The following NETO1 variants were observed in gnomAD, a reference collection of about 807,000 sequenced individuals.
NETO1 encodes the protein neuropilin and tolloid-like protein 1.
Under a neutral mutation model 61.3 loss-of-function variants are expected in NETO1, and 26 were observed. That is an observed-to-expected ratio of 0.42 (90% CI 0.31 to 0.59). The LOEUF is 0.59. Ranked by LOEUF, NETO1 falls within the 20% of genes least tolerant of loss-of-function variation. The pLI is 0.12. For synonymous variants in NETO1, 225 were observed against 225.8 expected (o/e 1.00, Z 0.03); for missense variants, 531 against 662.8 (o/e 0.80, Z 2.18).
At chr18:72,836,619 C>A in intron 4 of NETO1, among the ~76,000 whole-genome samples, 1 of 152,042 alleles carries the variant, frequency 6.6e-6, no homozygotes, top group Non-Finnish European at 1.5e-5. Flanking sequence ...TAAACATAAA[C>A]CAAAGCACAG....
intron 7 of NETO1, 102 bp downstream of exon 7, chr18:72,783,576 C>A: frequency 2.2e-6 from 2 of 910,116 alleles, no homozygotes; most frequent in South Asian, 1.5e-5. Flanking sequence ...TAGAGAATAG[C>A]CTGCTGTGCT....
intron 4 of NETO1, chr18:72,834,143 A>G: frequency 6.1e-6 from 5 of 813,556 alleles, no homozygotes; most frequent in Non-Finnish European, 7.4e-6. Context: ...AGCTTCGGAC[A>G]ATATTTTTGT....
chr18:72,838,886 G>A (rs945256314), intron 4 of NETO1, among the ~76,000 whole-genome samples: 2 of 152,006 alleles, frequency 1.3e-5, no homozygotes, highest in Admixed American at 6.6e-5. Context: ...TCTCTCAACC[G>A]TAAAGTTTTC....
intron 4 of NETO1, among the ~76,000 whole-genome samples, chr18:72,837,523 C>A (rs1467786346): frequency 1.3e-5 from 2 of 152,078 alleles, no homozygotes; most frequent in African/African-American, 2.4e-5. Context: ...TAGAGTCAGA[C>A]AACACAAGAT....
intron 7 of NETO1, among the ~76,000 whole-genome samples, chr18:72,773,099 C>A (rs1346027172): frequency 2.2e-4 from 33 of 151,804 alleles, no homozygotes; most frequent in Non-Finnish European, 1.5e-5. Context: ...GCTAGGCTTT[C>A]TGCTATTACA....
At chr18:72,764,819 C>T (rs1322429465) in intron 7 of NETO1, among the ~76,000 whole-genome samples, 1 of 152,178 alleles carries the variant, frequency 6.6e-6, no homozygotes, top group South Asian at 2.1e-4. Context: ...CAACCATCCC[C>T]TCAGGTGTTC....
chr18:72,803,728 G>A (rs1216925671), intron 4 of NETO1, among the ~76,000 whole-genome samples: 3 of 151,940 alleles, frequency 2.0e-5, no homozygotes, highest in Admixed American at 6.6e-5. Flanking sequence ...GGCTGTGGCA[G>A]GATAATTGCT....
chr18:72,805,165 A>T (rs1047329073), intron 4 of NETO1, among the ~76,000 whole-genome samples: 1 of 152,222 alleles, frequency 6.6e-6, no homozygotes, highest in Non-Finnish European at 1.5e-5. Context: ...AATTGGCCAT[A>T]GAAAAATGAA....
chr18:72,796,496 T>C (rs1022315123), intron 4 of NETO1, among the ~76,000 whole-genome samples: 2 of 152,354 alleles, frequency 1.3e-5, no homozygotes, highest in African/African-American at 4.8e-5. Flanking sequence ...TTGTTTGTTT[T>C]TTTGAGACGG....
At chr18:72,772,829 A>C (rs71372423) in intron 7 of NETO1, among the ~76,000 whole-genome samples, 874 of 5,184 alleles carry the variant, frequency 0.17, 1 homozygote, top group Middle Eastern at 0.25. Flanking sequence ...CTCTCTCTAT[A>C]TATATATATA....
chr18:72,783,699 G>A lies in NETO1; in HGVS notation c.847C>T (p.Leu283Phe). ...EGSRNSRFQM[L>F]FTSFQEPPCE... is the part of the protein sequence containing the mutation. ...TTACGTTCTTGAAAGGATGTGAAGA[G>A]CATCTGAAATCGGCTGTTTCGACTG... Residue 283 changes from leucine (L) to phenylalanine (F), a missense_variant, in exon 7 of 11, where the codon CTC becomes TTC. Coordinates refer to ENST00000327305, the MANE Select transcript of NETO1 (RefSeq NM_138966.5). The A allele has an allele frequency of 1.2e-6, 2 of 1,614,120 alleles. No individual in the cohort carries two copies. Among genetic ancestry groups the A allele is most frequent in the Non-Finnish European group, 1.7e-6 (2 of 1,179,970 alleles).
At chr18:72,855,620 A>G (rs1301700871) in intron 4 of NETO1, among the ~76,000 whole-genome samples, 3 of 152,226 alleles carry the variant, frequency 2.0e-5, no homozygotes, top group African/African-American at 7.2e-5. Flanking sequence ...CACAGCTACT[A>G]TGAACAGCAA....
intron 4 of NETO1, among the ~76,000 whole-genome samples, chr18:72,839,227 G>T (rs1358248615): frequency 6.6e-6 from 1 of 152,154 alleles, no homozygotes; most frequent in Admixed American, 6.6e-5. Context: ...TGAGTAAAAA[G>T]AAGCAAGAAG....
At chr18:72,818,781 C>T (rs377514781) in intron 4 of NETO1, among the ~76,000 whole-genome samples, 8 of 151,368 alleles carry the variant, frequency 5.3e-5, no homozygotes, top group African/African-American at 1.7e-4. Flanking sequence ...AACATTTTTT[C>T]GTTTATCTAT....
At position 72,797,725 on chromosome 18, in the gene NETO1, C is replaced by T. The variant is rs146871380; in HGVS notation, c.470-3321G>A. On this transcript the variant is annotated intron_variant, in intron 4 of 10. Coordinates refer to ENST00000327305, the MANE Select transcript of NETO1 (RefSeq NM_138966.5). The stretch of plus-strand genomic sequence containing the variant: ...CATCAATCTTTATAATGCATCTTAA[C>T]GCCCTGTGAGTTCTTGACCTTGGTC... Among the ~76,000 whole-genome samples, 14 of 152,284 alleles carry T rather than the reference C, an allele frequency of 9.2e-5. No homozygotes were observed. In the East Asian group the frequency reaches 1.7e-3, roughly 19 times the overall value.
chr18:72,865,423 G>C (rs1331591068), intron 1 of NETO1, 182 bp from the exon 2 acceptor site: 1 of 1,106,428 alleles, frequency 9.0e-7, no homozygotes, highest in Non-Finnish European at 1.3e-6. Flanking sequence ...GAAACCTTGG[G>C]ACTCCCTTAA....
chr18:72,769,256 T>C (rs1442892738), intron 7 of NETO1, among the ~76,000 whole-genome samples: 1 of 152,196 alleles, frequency 6.6e-6, no homozygotes, highest in Non-Finnish European at 1.5e-5. Flanking sequence ...CAATACTGTA[T>C]CTGGTGGGCT....
chr18:72,780,543 C>T (rs1399117139), intron 7 of NETO1, among the ~76,000 whole-genome samples: 1 of 152,056 alleles, frequency 6.6e-6, no homozygotes, highest in Admixed American at 6.5e-5. Context: ...GTCTTTTCAC[C>T]TAACCTACAC....
intron 7 of NETO1, among the ~76,000 whole-genome samples, chr18:72,775,333 T>A (rs550384915): frequency 1.1e-4 from 17 of 152,366 alleles, no homozygotes; most frequent in Admixed American, 9.1e-4. Flanking sequence ...TCTGCTGAAT[T>A]TTTTAGTAAG....
Sources: allele counts gnomAD v4.1 joint callset (sites outside exome capture counted in the v4.1 genomes callset), GRCh38; gene constraint gnomAD v4.1.1; transcripts MANE v1.5; gene names NCBI Gene and HGNC (gene_info 2026-07-23, HGNC 2026-07-21).